CLCN7: variants seen among roughly 807,000 people sequenced by gnomAD.
CLCN7 encodes Cl-/H+ antiporter 7, also known as H(+)/Cl(-) exchange transporter 7.
CLCN7 carries 60 observed loss-of-function variants against 102.1 expected under a neutral mutation model. The observed-to-expected ratio is 0.59, with a 90% confidence interval of 0.48 to 0.73. The LOEUF is 0.73. Ranked by LOEUF, CLCN7 falls within the 30% of genes least tolerant of loss-of-function variation. The probability of loss-of-function intolerance (pLI) is 0.00; values close to 1 mark genes in which losing one functional copy is unlikely to be tolerated. For missense variants in CLCN7, 962 were observed against 1,125.7 expected (o/e 0.85, Z 2.08); for synonymous variants, 560 against 490.5 (o/e 1.14, Z -1.87).
chr16:1,460,774 C>T (rs934984638), intron 5 of CLCN7, 42 bp downstream of exon 5: 49 of 1,613,154 alleles, frequency 3.0e-5, no homozygotes, highest in Admixed American at 1.0e-4. Context: ...GCCCAGGCCA[C>T]GCCCCCCTCC....
intron 1 of CLCN7, among the ~76,000 whole-genome samples, chr16:1,470,793 C>T (rs1351553117): frequency 6.6e-6 from 1 of 152,178 alleles, no homozygotes; most frequent in Non-Finnish European, 1.5e-5. Flanking sequence ...TCTCAGGCTG[C>T]GGTCTGTGGC....
rs2038801355 is a variant in CLCN7 at position 1,454,394 on chromosome 16, C to T, written c.1153+17G>A. 6.2e-7 allele frequency: 1 copy of T among 1,612,566 alleles called. No homozygotes were observed. The highest frequency in any genetic ancestry group is 8.5e-7 in the Non-Finnish European group (1 of 1,179,360). ...AGGCCCGCAGGCCGTCCCTGCGGTG[C>T]TGGGAGAAGCCCTTACCCACCACGC... On this transcript the variant is annotated intron_variant, in intron 13 of 24. Coordinates refer to ENST00000382745, the MANE Select transcript of CLCN7 (RefSeq NM_001287.6).
In CLCN7 at chr16:1,446,347, G is replaced by T. The variant is rs1249744563; in HGVS notation, c.*284C>A. 1.4e-6 allele frequency: 1 copy of T among 702,014 alleles called. No individual in the cohort carries two copies. The highest frequency in any genetic ancestry group is 2.6e-6 in the Non-Finnish European group (1 of 384,702). 43.5% of individuals were successfully genotyped at this position (702,014 alleles called of 1,614,324 possible). A position where few individuals can be genotyped will look rare whatever the true frequency, so the allele number is the denominator to read the frequency against. On this transcript the variant is annotated 3_prime_UTR_variant, in exon 25 of 25. Coordinates refer to ENST00000382745, the MANE Select transcript of CLCN7 (RefSeq NM_001287.6). ...AAGAGGCCGATAGCCCGGTAGGGAG[G>T]TCACACACACACAGCTGATCCCTGG... is the stretch of plus-strand genomic sequence containing the variant.
intron 1 of CLCN7, among the ~76,000 whole-genome samples, chr16:1,468,155 G>A (rs113066664): frequency 0.012 from 1,751 of 151,900 alleles, 45 homozygotes; most frequent in African/African-American, 0.04. Context: ...AGGCCTGGGA[G>A]GCCTTGAGGA....
Position 1,448,450 on chromosome 16 carries a change from G to A in CLCN7, c.1918C>T (p.Arg640Trp), listed in dbSNP as rs1400598641. 2.0e-5 allele frequency: 32 copies of A among 1,611,396 alleles called. No individual in the cohort carries two copies. In the East Asian group the frequency reaches 4.0e-4, roughly 20 times the overall value. Residue 640 changes from arginine to tryptophan, a missense_variant, in exon 21 of 25, where the codon CGG becomes TGG. By Grantham distance (101) the Arg-to-Trp change is moderately radical. This residue lies in a region of CLCN7 where 799 missense variants were observed against 988.0 expected (regional missense o/e 0.81). Transcript: ENST00000382745. ...VMSTPVTCLR[R>W]REKVGVIVDV... ...ACAATGACGCCGACCTTCTCACGCC[G>A]CCTCAGGCAGGTCACTGGTGTGCTC...
chr16:1,446,886 G>A (rs1176243402), intron 24 of CLCN7, 120 bp downstream of exon 24: 1 of 1,168,042 alleles, frequency 8.6e-7, no homozygotes, highest in Non-Finnish European at 1.2e-6. Flanking sequence ...TGGGGCATGG[G>A]CCGACTCGGT....
intron 15 of CLCN7, chr16:1,452,018 TG>T: frequency 2.5e-6 from 1 of 397,348 alleles, no homozygotes; most frequent in South Asian, 2.2e-5. Context: ...CCATCCCTGG[TG>T]CCGGGGAAGG....
intron 1 of CLCN7, among the ~76,000 whole-genome samples, chr16:1,470,862 T>C (rs2039068726): frequency 6.6e-6 from 1 of 152,030 alleles, no homozygotes. Flanking sequence ...CCTGCCAAGG[T>C]CTTATGTGGA....
intron 21 of CLCN7, 116 bp from the exon 22 acceptor site, chr16:1,447,830 G>T: frequency 8.5e-7 from 1 of 1,182,818 alleles, no homozygotes; most frequent in Non-Finnish European, 1.2e-6. Flanking sequence ...CTGGGCATGG[G>T]CCCCGTGTCG....
At chr16:1,465,206 T>C (rs747142708) in intron 2 of CLCN7, 61 bp downstream of exon 2, 14 of 1,532,448 alleles carry the variant, frequency 9.1e-6, no homozygotes, top group African/African-American at 1.4e-5. Context: ...TGCCCATCCC[T>C]GTCACCCTCT....
intron 1 of CLCN7, 86 bp downstream of exon 1, chr16:1,474,748 G>C: frequency 8.8e-7 from 1 of 1,130,058 alleles, no homozygotes; most frequent in Non-Finnish European, 1.1e-6. Context: ...ACCGAGACAC[G>C]CGGCGCCGCC....
intron 6 of CLCN7, 69 bp from the exon 7 acceptor site, chr16:1,459,256 G>A: frequency 8.8e-7 from 1 of 1,130,218 alleles, no homozygotes; most frequent in East Asian, 3.0e-5. Context: ...CTCAGCCCCA[G>A]GAGCCCCAGG....
intron 3 of CLCN7, 54 bp from the exon 4 acceptor site, chr16:1,461,524 G>A: frequency 1.2e-6 from 2 of 1,602,532 alleles, no homozygotes; most frequent in East Asian, 2.2e-5. Context: ...CGCTCTGGGT[G>A]CGGGCACAGG....
At position 1,473,268 on chromosome 16, in the gene CLCN7, A is replaced by C. The variant is rs563781246; in HGVS notation, c.141+1566T>G. Among the ~76,000 whole-genome samples, 13 of 152,184 alleles carry C rather than the reference A, an allele frequency of 8.5e-5. No homozygotes were observed. The East Asian group carries it at 2.5e-3, about 29-fold the overall frequency. On this transcript the variant is annotated intron_variant, in intron 1 of 24. Transcript: ENST00000382745. Reference sequence around the variant, plus strand: ...CTGAGCTGCTGCTTCTTATCAGCAAAAGGCAGACTATGACCTTCTTTGTCT... The same window carrying C: ...CTGAGCTGCTGCTTCTTATCAGCAACAGGCAGACTATGACCTTCTTTGTCT...
At chr16:1,455,918 C>A in intron 10 of CLCN7, 123 bp from the exon 11 acceptor site, 1 of 1,171,464 alleles carries the variant, frequency 8.5e-7, no homozygotes, top group East Asian at 2.4e-5. Flanking sequence ...GGGGTGGGCC[C>A]CAGCCACACA....
Position 1,449,188 on chromosome 16 carries a change from C to A in CLCN7, c.1669+88G>T, listed in dbSNP as rs939075257. ...CTGCAGCACCCATCCCATCCACCTGCTCCCAGACCCTAGCCCCGCAAGGAC... is the reference window on the plus strand; with the variant it reads ...CTGCAGCACCCATCCCATCCACCTGATCCCAGACCCTAGCCCCGCAAGGAC... On this transcript the variant is annotated intron_variant, in intron 18 of 24. Transcript: ENST00000382745. 1.1e-5 allele frequency: 17 copies of A among 1,582,048 alleles called. No individual in the cohort carries two copies. In the South Asian group the frequency reaches 1.8e-4, roughly 17 times the overall value.
intron 2 of CLCN7, among the ~76,000 whole-genome samples, 190 bp downstream of exon 2, chr16:1,465,077 C>CT (rs1316679802): frequency 1.3e-5 from 2 of 152,216 alleles, no homozygotes; most frequent in Non-Finnish European, 2.9e-5. Flanking sequence ...ACTCCTCCGT[C>CT]TGAGAGCACT....
chr16:1,452,157 G>A (rs959671695), intron 15 of CLCN7: 48 of 278,400 alleles, frequency 1.7e-4, no homozygotes, highest in Admixed American at 1.8e-4. Flanking sequence ...GTGTAGCAAG[G>A]CTGGTCAACC....
At chr16:1,467,013 T>C (rs1391712426) in intron 1 of CLCN7, among the ~76,000 whole-genome samples, 1 of 149,216 alleles carries the variant, frequency 6.7e-6, no homozygotes, top group East Asian at 2.0e-4. Flanking sequence ...ATCGTCCTGT[T>C]ACCAGCCACC....
Sources: allele counts gnomAD v4.1 joint callset (sites outside exome capture counted in the v4.1 genomes callset), GRCh38; gene constraint gnomAD v4.1.1; regional missense constraint gnomAD v4.1.1; transcripts MANE v1.5; gene names NCBI Gene and HGNC (gene_info 2026-07-23, HGNC 2026-07-21).